The following PSD3 variants were observed in gnomAD, a reference collection of about 807,000 sequenced individuals.
PSD3 encodes the protein PH and SEC7 domain-containing protein 3.
In PSD3, 49 loss-of-function variants were observed where a neutral mutation model predicts 105.5. That is an observed-to-expected ratio of 0.46 (90% CI 0.37 to 0.59). The LOEUF (loss-of-function observed/expected upper bound fraction) is 0.59. Among genes scored for constraint, PSD3 ranks in the 20% least tolerant of loss-of-function variants. PSD3 has a pLI of 0.00. For missense variants in PSD3, 1,561 were observed against 1,263.8 expected (o/e 1.24, Z -3.57); for synonymous variants, 557 against 457.8 (o/e 1.22, Z -2.77).
chr8:18,723,235 T>A (rs918199981), intron 9 of PSD3, among the ~76,000 whole-genome samples: 30 of 152,272 alleles, frequency 2.0e-4, no homozygotes, highest in African/African-American at 7.2e-4. Flanking sequence ...TCTAGCTTGT[T>A]TGAAAAGCCC....
At chr8:18,609,507 A>C (rs1467420862) in intron 11 of PSD3, among the ~76,000 whole-genome samples, 1 of 152,234 alleles carries the variant, frequency 6.6e-6, no homozygotes, top group Non-Finnish European at 1.5e-5. Flanking sequence ...TAGCTGTAAA[A>C]AGCACAAGGC....
chr8:18,759,711 A>G (rs909646108), intron 9 of PSD3, among the ~76,000 whole-genome samples: 1 of 152,086 alleles, frequency 6.6e-6, no homozygotes, highest in Non-Finnish European at 1.5e-5. Context: ...TACAGTCTAG[A>G]TGTCTCTTCA....
intron 1 of PSD3, among the ~76,000 whole-genome samples, chr8:18,944,663 T>C (rs894132357): frequency 6.6e-6 from 1 of 152,162 alleles, no homozygotes; most frequent in East Asian, 1.9e-4. Context: ...TAACGAATTA[T>C]TACGCTGTGG....
intron 1 of PSD3, among the ~76,000 whole-genome samples, chr8:18,996,324 G>A (rs1489655835): frequency 1.2e-4 from 18 of 151,930 alleles, no homozygotes; most frequent in Non-Finnish European, 2.5e-4. Context: ...TGGACAGAGT[G>A]TACCTCAGAT....
intron 1 of PSD3, among the ~76,000 whole-genome samples, chr8:19,050,436 C>T (rs1236552206): frequency 1.3e-5 from 2 of 152,134 alleles, no homozygotes; most frequent in Admixed American, 6.5e-5. Context: ...GGAACCAACC[C>T]AAATGCCCAA....
chr8:18,662,224 T>C (rs1809399883), intron 9 of PSD3, among the ~76,000 whole-genome samples: 1 of 152,196 alleles, frequency 6.6e-6, no homozygotes, highest in African/African-American at 2.4e-5. Context: ...ATCTGAAGTA[T>C]AATTAATATG....
chr8:18,582,912 A>G (rs1585301212), intron 12 of PSD3, among the ~76,000 whole-genome samples: 1 of 143,200 alleles, frequency 7.0e-6, no homozygotes, highest in Non-Finnish European at 1.5e-5. Flanking sequence ...TGCAACCTCC[A>G]CCTCCTGGGT....
intron 8 of PSD3, among the ~76,000 whole-genome samples, chr8:18,780,722 T>A (rs1266649921): frequency 1.3e-5 from 2 of 151,988 alleles, no homozygotes; most frequent in East Asian, 3.9e-4. Flanking sequence ...CCTGGCTAAT[T>A]TTTTTGTATT....
At chr8:18,839,891 C>T (rs901251299) in intron 4 of PSD3, among the ~76,000 whole-genome samples, 2 of 152,194 alleles carry the variant, frequency 1.3e-5, no homozygotes, top group Admixed American at 6.5e-5. Context: ...GTGGTAGTTA[C>T]TTAGCAATAC....
intron 4 of PSD3, among the ~76,000 whole-genome samples, chr8:18,829,271 C>G (rs1337028060): frequency 1.3e-5 from 2 of 151,954 alleles, no homozygotes; most frequent in African/African-American, 4.8e-5. Flanking sequence ...GGCAAATTAT[C>G]TAACATTTAG....
At chr8:18,765,810 T>G (rs1806937412) in intron 8 of PSD3, among the ~76,000 whole-genome samples, 1 of 151,864 alleles carries the variant, frequency 6.6e-6, no homozygotes, top group Admixed American at 6.6e-5. Flanking sequence ...CTACTAAAAA[T>G]ACAAAGAATT....
chr8:18,737,397 C>T (rs576845487), intron 9 of PSD3, among the ~76,000 whole-genome samples: 20 of 152,272 alleles, frequency 1.3e-4, no homozygotes, highest in African/African-American at 4.8e-4. Flanking sequence ...ATGCTCATGG[C>T]TCATGCAGCC....
At chr8:18,785,981 C>T (rs1038518630) in intron 8 of PSD3, among the ~76,000 whole-genome samples, 4 of 152,190 alleles carry the variant, frequency 2.6e-5, no homozygotes, top group Admixed American at 2.6e-4. Context: ...TCAACCTTCA[C>T]TTTGTTAGGA....
chr8:18,901,839 G>A (rs1039943288), intron 2 of PSD3, among the ~76,000 whole-genome samples: 1 of 152,028 alleles, frequency 6.6e-6, no homozygotes, highest in South Asian at 2.1e-4. Context: ...TCAGCTCTTT[G>A]ACTATGTATC....
intron 1 of PSD3, among the ~76,000 whole-genome samples, chr8:19,059,236 G>T (rs1828810228): frequency 6.6e-6 from 1 of 152,190 alleles, no homozygotes; most frequent in African/African-American, 2.4e-5. Context: ...ATCAAACCAG[G>T]AAATGGTGCC....
chr8:18,742,019 G>A (rs1207905983), intron 9 of PSD3, among the ~76,000 whole-genome samples: 1 of 152,100 alleles, frequency 6.6e-6, no homozygotes, highest in African/African-American at 2.4e-5. Flanking sequence ...ATTACCAGGA[G>A]TAATATGAGG....
intron 1 of PSD3, among the ~76,000 whole-genome samples, chr8:18,972,328 T>C (rs147535125): frequency 6.6e-6 from 1 of 152,224 alleles, no homozygotes; most frequent in East Asian, 1.9e-4. Flanking sequence ...TCAGAACAGG[T>C]AACAGGAGGG....
chr8:18,979,719 CA>C (rs1337866750), intron 1 of PSD3: 14 of 186,554 alleles, frequency 7.5e-5, no homozygotes, highest in African/African-American at 3.3e-4. Flanking sequence ...TCACTAACAC[CA>C]CAAGAGTCTC....
At position 19,058,088 on chromosome 8, in the gene PSD3, G is replaced by A. The variant is rs79382144; in HGVS notation, c.324+26118C>T. ...AACAAACTAAGGGTCACCTGTAAGT[G>A]GAATATTCAGTAGCAGAAAGGAACA... On this transcript the variant is annotated intron_variant, in intron 1 of 1. Transcript: ENST00000521475. Among the ~76,000 whole-genome samples, 74 of 152,224 alleles carry A rather than the reference G, an allele frequency of 4.9e-4. No homozygotes were observed. The East Asian group carries it at 5.8e-3, about 12-fold the overall frequency.
Sources: gnomAD v4.1 joint callset for allele counts (sites outside exome capture counted in the v4.1 genomes callset) on GRCh38, gnomAD v4.1.1 for gene constraint, MANE v1.5 for transcripts, NCBI Gene and HGNC (gene_info 2026-07-23, HGNC 2026-07-21) for gene names.